The following MAPRE3 variants were observed in gnomAD, a reference collection of about 807,000 sequenced individuals.
MAPRE3 encodes the protein microtubule-associated protein RP/EB family member 3.
In MAPRE3, 2 loss-of-function variants were observed where a neutral mutation model predicts 30.5. That is an observed-to-expected ratio of 0.07 (90% CI 0.03 to 0.21). The LOEUF (loss-of-function observed/expected upper bound fraction) is 0.21, where lower values mean the gene tolerates loss of function less well. Ranked by LOEUF, MAPRE3 falls within the 10% of genes least tolerant of loss-of-function variation. MAPRE3 has a pLI of 1.00. For missense variants in MAPRE3, 204 were observed against 351.8 expected (o/e 0.58, Z 3.36); for synonymous variants, 110 against 127.7 (o/e 0.86, Z 0.93).
rs1403354738 is a variant in MAPRE3 at position 27,023,329 on chromosome 2, C to T, written c.122-3C>T. 2 of 1,596,512 alleles carry T rather than the reference C, an allele frequency of 1.3e-6. No homozygotes were observed. The highest frequency in any genetic ancestry group is 2.7e-5 in the African/African-American group (2 of 74,636). On this transcript the variant is annotated splice_polypyrimidine_tract_variant and splice_region_variant and intron_variant, in intron 2 of 6. Transcript: ENST00000233121. The stretch of plus-strand genomic sequence containing the variant: ...CCCCTCAGCCAGCCATCCTTCTCCA[C>T]AGGGGCAGCCTACTGCCAGTTCATG...
Position 26,993,924 on chromosome 2 carries a change from C to T in MAPRE3, c.-8+23122C>T, listed in dbSNP as rs921563784. 1.6e-4 allele frequency among the ~76,000 whole-genome samples: 25 copies of T among 152,240 alleles called. No individual in the cohort carries two copies. The East Asian group carries it at 3.1e-3, about 19-fold the overall frequency. On this transcript the variant is annotated intron_variant, in intron 1 of 6. Transcript: ENST00000233121. ...CCATGCTTCCTTGAGTAGGAGATGG[C>T]GCTCTCCCCCCAGACAGAGACTAAT... is the stretch of plus-strand genomic sequence containing the variant.
chr2:27,006,330 G>A lies in MAPRE3; in HGVS notation c.-7-15882G>A, dbSNP rs748077937. Among the ~76,000 whole-genome samples the A allele has an allele frequency of 9.7e-4, 147 of 152,250 alleles. 1 individual carries two copies. The highest frequency in any genetic ancestry group is 1.8e-3 in the Non-Finnish European group (121 of 68,048). ...ATGTCTGATAATTCCCATTATTGGG[G>A]AGGAAATGTAATTTCTTCTTAACCT... On this transcript the variant is annotated intron_variant, in intron 1 of 6. Coordinates refer to ENST00000233121, the MANE Select transcript of MAPRE3 (RefSeq NM_012326.4).
rs151221922 is a variant in MAPRE3 at position 26,989,711 on chromosome 2, C to G, written c.-8+18909C>G. ...AAGGATGTCAGGATGCTCCACTCTG[C>G]TGCCAGGAGACTCTCCGGACTTCGT... On this transcript the variant is annotated intron_variant, in intron 1 of 6. Coordinates refer to ENST00000233121, the MANE Select transcript of MAPRE3 (RefSeq NM_012326.4). Among the ~76,000 whole-genome samples the G allele has an allele frequency of 3.9e-3, 597 of 152,300 alleles. 6 individuals carry two copies. The highest frequency in any genetic ancestry group is 5.9e-3 in the Non-Finnish European group (403 of 68,028).
At chr2:26,976,382 T>G (rs1666014509) in intron 1 of MAPRE3, among the ~76,000 whole-genome samples, 3 of 152,242 alleles carry the variant, frequency 2.0e-5, no homozygotes, top group African/African-American at 7.2e-5. Flanking sequence ...ACCCAGGAGT[T>G]AGGATGGGTT....
intron 1 of MAPRE3, among the ~76,000 whole-genome samples, chr2:26,979,322 A>G (rs559146509): frequency 2.0e-5 from 3 of 152,348 alleles, no homozygotes; most frequent in East Asian, 3.9e-4. Context: ...GCAATGGCTC[A>G]CGCCTGTCAT....
At chr2:27,001,791 C>A (rs1028840712) in intron 1 of MAPRE3, among the ~76,000 whole-genome samples, 3 of 152,224 alleles carry the variant, frequency 2.0e-5, no homozygotes, top group African/African-American at 7.2e-5. Flanking sequence ...TACATGCAGT[C>A]TGTTGTTGAT....
intron 1 of MAPRE3, among the ~76,000 whole-genome samples, chr2:26,991,081 G>A (rs143843320): frequency 0.02 from 3,106 of 152,192 alleles, 104 homozygotes; most frequent in African/African-American, 0.07. Flanking sequence ...GTGAAACCCC[G>A]TCTCTACTAA....
At chr2:27,016,091 G>A (rs954963960) in intron 1 of MAPRE3, among the ~76,000 whole-genome samples, 2 of 152,134 alleles carry the variant, frequency 1.3e-5, no homozygotes, top group African/African-American at 2.4e-5. Flanking sequence ...AGCAGGAGTC[G>A]AGGCCCTTCA....
intron 1 of MAPRE3, among the ~76,000 whole-genome samples, chr2:26,975,262 T>G (rs1665992701): frequency 6.6e-6 from 1 of 152,192 alleles, no homozygotes; most frequent in African/African-American, 2.4e-5. Context: ...CTTTATTGAC[T>G]TCCTCAACTG....
intron 1 of MAPRE3, among the ~76,000 whole-genome samples, chr2:26,992,393 AT>A (rs1346188559): frequency 1.0e-5 from 1 of 96,070 alleles, no homozygotes; most frequent in Non-Finnish European, 2.3e-5. Flanking sequence ...CGCCTGGCTA[AT>A]TTTGTAATTT....
chr2:26,976,052 T>G (rs1277183981), intron 1 of MAPRE3, among the ~76,000 whole-genome samples: 1 of 152,248 alleles, frequency 6.6e-6, no homozygotes, highest in Non-Finnish European at 1.5e-5. Context: ...AAATGGCATC[T>G]GACTATATGA....
In MAPRE3 at chr2:27,026,407, T is replaced by C. The variant is rs1384488493; in HGVS notation, c.*59T>C. Reference sequence around the variant, plus strand: ...CCCCGTGCCTCCCTCCCTGCTCCACTCCCACATTATAGTCCTTTCCTAACA... The same window carrying C: ...CCCCGTGCCTCCCTCCCTGCTCCACCCCCACATTATAGTCCTTTCCTAACA... On this transcript the variant is annotated 3_prime_UTR_variant, in exon 7 of 7. Transcript: ENST00000233121. The C allele has an allele frequency of 3.6e-6, 5 of 1,391,650 alleles. No individual in the cohort carries two copies. In the East Asian group the frequency reaches 1.1e-4, roughly 32 times the overall value. 86.2% of individuals were successfully genotyped at this position (1,391,650 alleles called of 1,614,324 possible).
intron 1 of MAPRE3, among the ~76,000 whole-genome samples, chr2:27,003,438 C>T (rs896712783): frequency 1.4e-4 from 21 of 152,134 alleles, no homozygotes; most frequent in African/African-American, 4.8e-4. Flanking sequence ...TTTCAATGCT[C>T]CCTTCAGGAC....
chr2:27,003,629 A>G (rs952242719), intron 1 of MAPRE3, among the ~76,000 whole-genome samples: 1 of 152,230 alleles, frequency 6.6e-6, no homozygotes, highest in Non-Finnish European at 1.5e-5. Context: ...AATGCTGGGA[A>G]GGTGATACCT....
intron 1 of MAPRE3, among the ~76,000 whole-genome samples, chr2:26,989,086 G>A (rs1418743889): frequency 1.3e-5 from 2 of 152,268 alleles, no homozygotes; most frequent in South Asian, 2.1e-4. Flanking sequence ...TAATAGCCAC[G>A]TAATTCCAGC....
intron 1 of MAPRE3, among the ~76,000 whole-genome samples, chr2:27,020,803 T>C (rs1667094778): frequency 6.6e-6 from 1 of 152,150 alleles, no homozygotes; most frequent in Non-Finnish European, 1.5e-5. Flanking sequence ...CCAGACCTGC[T>C]TTTAGGTAGA....
At chr2:27,024,072 C>T in intron 3 of MAPRE3, 24 bp from the exon 4 acceptor site, 1 of 1,586,950 alleles carries the variant, frequency 6.3e-7, no homozygotes, top group Non-Finnish European at 8.7e-7. Context: ...GGCTAAAGTA[C>T]TCTGCTTATG....
chr2:26,978,284 A>G (rs1044110712), intron 1 of MAPRE3, among the ~76,000 whole-genome samples: 1 of 152,218 alleles, frequency 6.6e-6, no homozygotes, highest in African/African-American at 2.4e-5. Flanking sequence ...GTGTGTTGCC[A>G]TGTGAAAGGG....
Position 27,025,701 on chromosome 2 carries a change from T to C in MAPRE3, c.588T>C (p.His196=), listed in dbSNP as rs200184079. 26 of 1,613,952 alleles carry C rather than the reference T, an allele frequency of 1.6e-5. No individual in the cohort carries two copies. In the African/African-American group the frequency reaches 2.4e-4, roughly 15 times the overall value. The change falls in exon 5 of 7, where the codon CAT becomes CAC. Residue 196 remains histidine (H), a synonymous_variant. Transcript: ENST00000233121. The stretch of plus-strand genomic sequence containing the variant: ...CTCCATCAGCCCGAAATGGCGGCCA[T>C]GAGACTGATGCCCAAATTCTTGAAC... ...KNPPSARNGG[H]ETDAQILELN...
Sources: gnomAD v4.1 joint callset for allele counts (sites outside exome capture counted in the v4.1 genomes callset) on GRCh38, gnomAD v4.1.1 for gene constraint, MANE v1.5 for transcripts, NCBI Gene and HGNC (gene_info 2026-07-23, HGNC 2026-07-21) for gene names.